OR6P1: variants seen among roughly 807,000 people sequenced by gnomAD.
OR6P1 encodes the protein olfactory receptor family 6 subfamily P member 1, also known as olfactory receptor 6P1.
Under a neutral mutation model 6.6 loss-of-function variants are expected in OR6P1, and 5 were observed. The observed-to-expected ratio is 0.76, with a 90% CI of 0.40 to 1.60. OR6P1 has a LOEUF of 1.60. Among genes scored for constraint, OR6P1 ranks in the 40% most tolerant of loss-of-function variants. OR6P1 has a pLI of 0.02. For synonymous variants in OR6P1, 177 were observed against 149.6 expected (o/e 1.18, Z -1.33); for missense variants, 451 against 383.0 (o/e 1.18, Z -1.48).
In OR6P1 at chr1:158,562,672, A is replaced by G; in HGVS notation, c.933T>C (p.Tyr311=). ...FRKTVMGRCH[Y]PRDVQD ...TATATCAGTCCTGAACATCCCTAGG[A>G]TAGTGACATCTGCCCATCACTGTCT... The change falls in exon 3 of 3, where the codon TAT becomes TAC. Residue 311 remains tyrosine, a synonymous_variant. Transcript: ENST00000641540. 1 of 1,553,246 alleles carries G rather than the reference A, an allele frequency of 6.4e-7. No individual in the cohort carries two copies. Among genetic ancestry groups the G allele is most frequent in the East Asian group, 2.4e-5 (1 of 41,148 alleles).
chr1:158,561,629 C>T lies in OR6P1; in HGVS notation c.*1022G>A, dbSNP rs901079191. ...AAATTTGTGTAAATGAGCCTAGATT[C>T]AAGATAAGAAAAATTTCTCTGAACA... is the stretch of plus-strand genomic sequence containing the variant. On this transcript the variant is annotated 3_prime_UTR_variant, in exon 3 of 3. Transcript: ENST00000641540. The T allele has an allele frequency of 5.9e-5, 9 of 152,098 alleles. No individual in the cohort carries two copies. The highest frequency in any genetic ancestry group is 1.0e-4 in the Non-Finnish European group (7 of 68,000). 9.4% of individuals were successfully genotyped at this position (152,098 alleles called of 1,614,324 possible). A position where few individuals can be genotyped will look rare whatever the true frequency, so the allele number is the denominator to read the frequency against.
rs963343228 is a variant in OR6P1 at position 158,562,154 on chromosome 1, T to C, written c.*497A>G. 3 of 157,490 alleles carry C rather than the reference T, an allele frequency of 1.9e-5. No individual in the cohort carries two copies. In the Admixed American group the frequency reaches 1.9e-4, roughly 10 times the overall value. 9.8% of individuals were successfully genotyped at this position (157,490 alleles called of 1,614,324 possible). ...TATAACCTACTTGTGTAGTTTCTTA[T>C]GAAAGTGGGATTTGAGAATCTGGAT... is the stretch of plus-strand genomic sequence containing the variant. On this transcript the variant is annotated 3_prime_UTR_variant, in exon 3 of 3. Transcript: ENST00000641540.
At chr1:158,565,962 C>G (rs1408311436) in intron 2 of OR6P1, among the ~76,000 whole-genome samples, 2 of 152,162 alleles carry the variant, frequency 1.3e-5, no homozygotes, top group Non-Finnish European at 2.9e-5. Flanking sequence ...ACTTGATTAG[C>G]TTCTATTTCA....
intron 2 of OR6P1, among the ~76,000 whole-genome samples, chr1:158,566,550 C>A (rs1648100662): frequency 6.6e-6 from 1 of 152,138 alleles, no homozygotes; most frequent in Admixed American, 6.6e-5. Flanking sequence ...CTTGTCCTTA[C>A]CCCTCTATTA....
Position 158,560,813 on chromosome 1 carries a change from C to T in OR6P1, c.*1838G>A, listed in dbSNP as rs1163401672. Reference sequence around the variant, plus strand: ...GCATCCATAGCTTCTAGAATTCCCTCAAAAGACATGCCAAGTTACAAAAGT... The same window carrying T: ...GCATCCATAGCTTCTAGAATTCCCTTAAAAGACATGCCAAGTTACAAAAGT... On this transcript the variant is annotated 3_prime_UTR_variant, in exon 3 of 3. Coordinates refer to ENST00000641540, the MANE Select transcript of OR6P1 (RefSeq NM_001160325.2). The T allele has an allele frequency of 6.6e-6, 1 of 152,150 alleles. No homozygotes were observed. Among genetic ancestry groups the T allele is most frequent in the Non-Finnish European group, 1.5e-5 (1 of 68,014 alleles). 9.4% of individuals were successfully genotyped at this position (152,150 alleles called of 1,614,324 possible).
intron 2 of OR6P1, among the ~76,000 whole-genome samples, chr1:158,564,048 T>C (rs940247556): frequency 1.3e-5 from 2 of 152,126 alleles, no homozygotes; most frequent in African/African-American, 4.8e-5. Context: ...CAAGGGAAAT[T>C]GTACTAAGGG....
At position 158,562,210 on chromosome 1, in the gene OR6P1, A is replaced by T. The variant is rs1647969803; in HGVS notation, c.*441T>A. The T allele has an allele frequency of 6.4e-6, 1 of 156,500 alleles. No homozygotes were observed. The highest frequency in any genetic ancestry group is 2.4e-5 in the African/African-American group (1 of 41,414). 9.7% of individuals were successfully genotyped at this position (156,500 alleles called of 1,614,324 possible). A position where few individuals can be genotyped will look rare whatever the true frequency, so the allele number is the denominator to read the frequency against. ...AAATTGTTACACTGAAGTCTACCAA[A>T]TTTTTTTCTTGGCATGTCCACCAGT... is the stretch of plus-strand genomic sequence containing the variant. On this transcript the variant is annotated 3_prime_UTR_variant, in exon 3 of 3. Transcript: ENST00000641540.
At position 158,563,549 on chromosome 1, in the gene OR6P1, G is replaced by C; in HGVS notation, c.56C>G (p.Thr19Ser). The C allele has an allele frequency of 6.4e-7, 1 of 1,550,950 alleles. No individual in the cohort carries two copies. Among genetic ancestry groups the C allele is most frequent in the Non-Finnish European group, 8.7e-7 (1 of 1,146,762 alleles). ...VEEFVLVGFPTTPPLQLLLFV... is the reference protein window; with the variant it reads ...VEEFVLVGFPSTPPLQLLLFV... ...GAGGAGCAGCTGGAGGGGAGGCGTG[G>C]TAGGGAAACCCACCAAGACAAACTC... Residue 19 changes from threonine to serine, a missense_variant, in exon 3 of 3, where the codon ACC becomes AGC. Transcript: ENST00000641540.
At chr1:158,565,590 A>G (rs1423245623) in intron 2 of OR6P1, among the ~76,000 whole-genome samples, 1 of 138,578 alleles carries the variant, frequency 7.2e-6, no homozygotes, top group Non-Finnish European at 1.7e-5. Flanking sequence ...CTAAAGCAAT[A>G]TAAATATAAA....
chr1:158,570,063 T>A (rs1648201231), intron 1 of OR6P1, among the ~76,000 whole-genome samples: 1 of 152,254 alleles, frequency 6.6e-6, no homozygotes, highest in South Asian at 2.1e-4. Context: ...GCAAGGGAAG[T>A]GCTACAGCCT....
At chr1:158,564,834 C>T (rs935671671) in intron 2 of OR6P1, among the ~76,000 whole-genome samples, 1 of 152,210 alleles carries the variant, frequency 6.6e-6, no homozygotes, top group African/African-American at 2.4e-5. Flanking sequence ...AAGTCATTTT[C>T]TCAACCATTC....
rs1023366931 is a variant in OR6P1 at position 158,561,725 on chromosome 1, A to G, written c.*926T>C. On this transcript the variant is annotated 3_prime_UTR_variant, in exon 3 of 3. Transcript: ENST00000641540. Reference sequence around the variant, plus strand: ...ATGATTCAGGCTATGAACCTGAGACATCCCAATTGCCATAGAGATATCTGC... The same window carrying G: ...ATGATTCAGGCTATGAACCTGAGACGTCCCAATTGCCATAGAGATATCTGC... 6.6e-6 allele frequency: 1 copy of G among 152,218 alleles called. No homozygotes were observed. The highest frequency in any genetic ancestry group is 2.4e-5 in the African/African-American group (1 of 41,458). The allele number at this position is 152,218 out of a possible 1,614,324, so 9.4% of individuals were successfully genotyped here. A position where few individuals can be genotyped will look rare whatever the true frequency, so the allele number is the denominator to read the frequency against.
At chr1:158,566,447 C>T (rs1648097659) in intron 2 of OR6P1, among the ~76,000 whole-genome samples, 1 of 152,178 alleles carries the variant, frequency 6.6e-6, no homozygotes, top group Non-Finnish European at 1.5e-5. Flanking sequence ...ATGGGAAAAA[C>T]TTGAAAATGA....
intron 1 of OR6P1, among the ~76,000 whole-genome samples, chr1:158,568,601 A>G (rs751059865): frequency 1.1e-4 from 17 of 151,884 alleles, no homozygotes; most frequent in Admixed American, 2.0e-4. Flanking sequence ...TATTGATGCT[A>G]TTGTACAATT....
Position 158,562,670 on chromosome 1 carries a change from G to T in OR6P1, c.935C>A (p.Pro312His). The change falls in exon 3 of 3, where the codon CCT becomes CAT. Residue 312 changes from proline to histidine, a missense_variant. Coordinates refer to ENST00000641540, the MANE Select transcript of OR6P1 (RefSeq NM_001160325.2). ...RKTVMGRCHY[P>H]RDVQD ...TGTATATCAGTCCTGAACATCCCTA[G>T]GATAGTGACATCTGCCCATCACTGT... The T allele has an allele frequency of 6.4e-7, 1 of 1,552,144 alleles. No homozygotes were observed.
At chr1:158,566,915 A>G (rs1389930794) in intron 1 of OR6P1, 57 bp from the exon 2 acceptor site, 1 of 152,234 alleles carries the variant, frequency 6.6e-6, no homozygotes, top group Non-Finnish European at 1.5e-5. Context: ...GCTAATATCC[A>G]GAATCTGCAA....
Position 158,563,334 on chromosome 1 carries a change from T to TA in OR6P1, c.270dup (p.Arg91Ter). On this transcript the variant is annotated frameshift_variant, in exon 3 of 3. Coordinates refer to ENST00000641540, the MANE Select transcript of OR6P1 (RefSeq NM_001160325.2). LOFTEE classifies it high-confidence loss of function. The stretch of plus-strand genomic sequence containing the variant: ...GTCATGCAACCTACGTAGGAGACTC[T>TA]ACCATCCTGGGTAAGAAAGGCTGCC... 6.4e-7 allele frequency: 1 copy of TA among 1,551,406 alleles called. No homozygotes were observed. Among genetic ancestry groups the TA allele is most frequent in the South Asian group, 1.2e-5 (1 of 84,032 alleles).
intron 2 of OR6P1, among the ~76,000 whole-genome samples, chr1:158,566,457 A>T (rs1463691292): frequency 1.3e-5 from 2 of 152,136 alleles, no homozygotes; most frequent in Middle Eastern, 3.2e-3. Context: ...CTTGAAAATG[A>T]TGGCTGGAAA....
At position 158,563,637 on chromosome 1, in the gene OR6P1, T is replaced by C; in HGVS notation, c.-22-11A>G. ...TGTCCACTTGAGTGCCTAAAATAAATCACAGGAAGAACAAGAGGTTTGAAA... is the reference window on the plus strand; with the variant it reads ...TGTCCACTTGAGTGCCTAAAATAAACCACAGGAAGAACAAGAGGTTTGAAA... On this transcript the variant is annotated splice_polypyrimidine_tract_variant and intron_variant, in intron 2 of 2. Coordinates refer to ENST00000641540, the MANE Select transcript of OR6P1 (RefSeq NM_001160325.2). 7.3e-7 allele frequency: 1 copy of C among 1,362,138 alleles called. No homozygotes were observed. Among genetic ancestry groups the C allele is most frequent in the Non-Finnish European group, 1.0e-6 (1 of 996,836 alleles). The allele number at this position is 1,362,138 out of a possible 1,614,324, so 84.4% of individuals were successfully genotyped here. A position where few individuals can be genotyped will look rare whatever the true frequency, so the allele number is the denominator to read the frequency against.
Sources: allele counts gnomAD v4.1 joint callset (sites outside exome capture counted in the v4.1 genomes callset), GRCh38; gene constraint gnomAD v4.1.1; transcripts MANE v1.5; gene names NCBI Gene and HGNC (gene_info 2026-07-23, HGNC 2026-07-21).